Variants in MILR1 observed in about 807,000 individuals in gnomAD.
MILR1 encodes the protein mast cell immunoglobulin like receptor 1, also known as allergin-1.
MILR1 carries 31 observed loss-of-function variants against 18.5 expected under a neutral mutation model. The ratio of observed to expected loss-of-function variants is 1.68; its 90% confidence interval spans 1.26 to 2.26. MILR1 has a LOEUF of 2.26. MILR1 is among the 30% of genes most tolerant of loss of function. The pLI is 0.00. For missense variants in MILR1, 257 were observed against 157.4 expected, an observed-to-expected ratio of 1.63 and a Z score of -3.38; for synonymous variants, 85 against 56.2, an observed-to-expected ratio of 1.51 and a Z score of -2.30.
At chr17:64,457,237 T>C (rs1041923212) in intron 3 of MILR1, among the ~76,000 whole-genome samples, 163 bp from the exon 4 acceptor site, 2 of 152,130 alleles carry the variant, frequency 1.3e-5, no homozygotes, top group African/African-American at 2.4e-5. Context: ...CACATGCCCA[T>C]TGGCCTTTCC....
chr17:64,481,166 C>CA, the MILR1 span: 1 of 552,802 alleles, frequency 1.8e-6, no homozygotes, highest in Admixed American at 6.4e-5. Context: ...CAAATCTCTC[C>CA]AGACATTACT....
At chr17:64,452,097 T>TG (rs2037187508) in intron 2 of MILR1, among the ~76,000 whole-genome samples, 1 of 148,786 alleles carries the variant, frequency 6.7e-6, no homozygotes, top group African/African-American at 2.5e-5. Flanking sequence ...TTTTTTTTTT[T>TG]GTTCTGTTTT....
chr17:64,487,285 G>C, the MILR1 span: 1 of 152,188 alleles, frequency 6.6e-6, no homozygotes, highest in East Asian at 1.9e-4. Flanking sequence ...TCTACCAGTT[G>C]TATTTCACAC....
the MILR1 span, among the ~76,000 whole-genome samples, chr17:64,494,442 G>T: frequency 6.6e-6 from 1 of 152,064 alleles, no homozygotes; most frequent in Non-Finnish European, 1.5e-5. Context: ...CAGTATTTTA[G>T]AATCCATTGA....
At chr17:64,485,519 G>A in the MILR1 span, 1 of 579,232 alleles carries the variant, frequency 1.7e-6, no homozygotes, top group East Asian at 3.0e-5. Context: ...ATGCCTTTGG[G>A]ATTACTTATT....
chr17:64,464,727 A>G (rs2037510834), intron 5 of MILR1, among the ~76,000 whole-genome samples: 1 of 152,174 alleles, frequency 6.6e-6, no homozygotes, highest in African/African-American at 2.4e-5. Context: ...GTTTGAGACC[A>G]GCCTGGCTAA....
chr17:64,487,283 T>C, the MILR1 span: 1 of 152,210 alleles, frequency 6.6e-6, no homozygotes. Context: ...ATTCTACCAG[T>C]TGTATTTCAC....
intron 2 of MILR1, among the ~76,000 whole-genome samples, chr17:64,450,333 A>G (rs118198792): frequency 1.4e-4 from 22 of 152,210 alleles, no homozygotes; most frequent in Non-Finnish European, 2.8e-4. Context: ...TGCCAGGCAT[A>G]TGGTAAACCA....
At chr17:64,480,546 T>C in the MILR1 span, among the ~76,000 whole-genome samples, 1 of 152,254 alleles carries the variant, frequency 6.6e-6, no homozygotes, top group Non-Finnish European at 1.5e-5. Context: ...CCATATCATA[T>C]ACTTTATAAA....
chr17:64,462,260 G>A (rs950509889), intron 5 of MILR1, among the ~76,000 whole-genome samples: 3 of 151,576 alleles, frequency 2.0e-5, no homozygotes, highest in Admixed American at 6.6e-5. Context: ...GAACACTTGG[G>A]CTCAAACAAT....
intron 4 of MILR1, among the ~76,000 whole-genome samples, chr17:64,458,153 T>A (rs1385571514): frequency 6.6e-6 from 1 of 151,474 alleles, no homozygotes; most frequent in African/African-American, 2.4e-5. Flanking sequence ...CCTGCCTTTC[T>A]TTCCCTTCCT....
At chr17:64,482,025 C>T in the MILR1 span, among the ~76,000 whole-genome samples, 1 of 151,588 alleles carries the variant, frequency 6.6e-6, no homozygotes, top group South Asian at 2.1e-4. Flanking sequence ...GAACTGTATT[C>T]AGCTTCTTTA....
At chr17:64,486,190 T>C in the MILR1 span, among the ~76,000 whole-genome samples, 2 of 152,186 alleles carry the variant, frequency 1.3e-5, no homozygotes, top group African/African-American at 4.8e-5. Context: ...CAGTGTTTCA[T>C]CAGCGAGGCC....
At chr17:64,450,889 C>G (rs2037155534) in intron 2 of MILR1, among the ~76,000 whole-genome samples, 1 of 152,156 alleles carries the variant, frequency 6.6e-6, no homozygotes, top group Non-Finnish European at 1.5e-5. Context: ...AACAATGCTA[C>G]AATAAACATC....
At position 64,466,291 on chromosome 17, in the gene MILR1, G is replaced by C; in HGVS notation, c.854-151G>C. ...GGGACTACAATTCAAGATGTGATTT[G>C]GGTGAGGACACAGTCAAACCCTATC... is the stretch of plus-strand genomic sequence containing the variant. On this transcript the variant is annotated intron_variant, in intron 6 of 9. Coordinates refer to ENST00000619286, the MANE Select transcript of MILR1 (RefSeq NM_001085423.2). The C allele has an allele frequency of 4.4e-6, 3 of 684,728 alleles. No homozygotes were observed. In the South Asian group the frequency reaches 5.0e-5, roughly 11 times the overall value. The allele number at this position is 684,728 out of a possible 1,614,324, so 42.4% of individuals were successfully genotyped here.
At chr17:64,490,943 G>A in the MILR1 span, 7 of 1,613,816 alleles carry the variant, frequency 4.3e-6, no homozygotes, top group Non-Finnish European at 5.9e-6. Context: ...AGTCACTGCT[G>A]CTGAAGTTAG....
At chr17:64,488,452 T>C in the MILR1 span, among the ~76,000 whole-genome samples, 1 of 149,902 alleles carries the variant, frequency 6.7e-6, no homozygotes, top group Non-Finnish European at 1.5e-5. Context: ...CCTGTAATCT[T>C]AGCACTCAGA....
intron 6 of MILR1, 92 bp downstream of exon 6, chr17:64,465,633 G>T (rs782411085): frequency 1.2e-4 from 158 of 1,320,232 alleles, no homozygotes; most frequent in Non-Finnish European, 1.6e-4. Flanking sequence ...GTGGGGGGTG[G>T]AGCAAAAGGG....
chr17:64,496,692 T>C, the MILR1 span: 1 of 1,613,946 alleles, frequency 6.2e-7, no homozygotes, highest in Non-Finnish European at 8.5e-7. Context: ...TGGCACCCAC[T>C]CAGAAGAGAA....
Sources: allele counts gnomAD v4.1 joint callset (sites outside exome capture counted in the v4.1 genomes callset), GRCh38; gene constraint gnomAD v4.1.1; transcripts MANE v1.5; gene names NCBI Gene and HGNC (gene_info 2026-07-23, HGNC 2026-07-21).